RAD54L: variants seen among roughly 807,000 people sequenced by gnomAD.
The protein encoded by RAD54L is RAD54 like, also known as DNA repair and recombination protein RAD54-like.
A neutral mutation model predicts 91.6 loss-of-function variants in RAD54L; 74 were observed. The ratio of observed to expected loss-of-function variants is 0.81; its 90% confidence interval spans 0.67 to 0.98. The LOEUF (loss-of-function observed/expected upper bound fraction) is 0.98, where lower values mean the gene tolerates loss of function less well. RAD54L is among the 50% of genes least tolerant of loss of function. RAD54L has a pLI of 0.00. For missense variants in RAD54L, 887 were observed against 945.7 expected, an observed-to-expected ratio of 0.94 and a Z score of 0.81; for synonymous variants, 304 against 349.7, an observed-to-expected ratio of 0.87 and a Z score of 1.46.
In RAD54L at chr1:46,274,477, T is replaced by G. The variant is rs1660535468; in HGVS notation, c.1690-61T>G. 11 of 1,573,608 alleles carry G rather than the reference T, an allele frequency of 7.0e-6. No individual in the cohort carries two copies. In the Admixed American group the frequency reaches 1.7e-4, roughly 24 times the overall value. On this transcript the variant is annotated intron_variant, in intron 15 of 17. Transcript: ENST00000371975. ...GGCATGAGGGAGGAGCTGGTTGGGC[T>G]GAGCAGGATCCCAGTTTAGGCTATA... is the stretch of plus-strand genomic sequence containing the variant.
chr1:46,277,861 G>A lies in RAD54L; in HGVS notation c.1914G>A (p.Lys638=), dbSNP rs558153503. ...EEKIFQRQSH[K]KALSSCVVDE... ...AGATCTTCCAGCGTCAGAGCCACAA[G>A]AAGGCACTGAGCAGCTGTGTGGTGG... Residue 638 remains lysine, a synonymous_variant, in exon 17 of 18, where the codon AAG becomes AAA. Coordinates refer to ENST00000371975, the MANE Select transcript of RAD54L (RefSeq NM_003579.4). The A allele has an allele frequency of 2.9e-5, 47 of 1,613,010 alleles. No individual in the cohort carries two copies. The highest frequency in any genetic ancestry group is 3.6e-5 in the Non-Finnish European group (42 of 1,179,192).
At chr1:46,252,213 G>A (rs978121312) in intron 3 of RAD54L, among the ~76,000 whole-genome samples, 1 of 152,154 alleles carries the variant, frequency 6.6e-6, no homozygotes, top group Non-Finnish European at 1.5e-5. Flanking sequence ...GGGGAGTTGG[G>A]GGATGGTGGT....
In RAD54L at chr1:46,250,059, T is replaced by C. The variant is rs2148276083; in HGVS notation, c.150T>C (p.Pro50=). The change falls in exon 3 of 18, where the codon CCT becomes CCC. Residue 50 remains proline (P), a synonymous_variant. Transcript: ENST00000371975. ...AGATCCAGGAGTGTTTCCTGTCTCC[T>C]TTTCGGAAACCTTTGAGTCAGCTAA... The part of the protein sequence containing the change: ...ETQIQECFLS[P]FRKPLSQLTN... 1 of 1,614,128 alleles carries C rather than the reference T, an allele frequency of 6.2e-7. No homozygotes were observed. The highest frequency in any genetic ancestry group is 8.5e-7 in the Non-Finnish European group (1 of 1,179,992).
intron 9 of RAD54L, among the ~76,000 whole-genome samples, chr1:46,269,868 C>T (rs1417659762): frequency 6.7e-6 from 1 of 149,434 alleles, no homozygotes; most frequent in African/African-American, 2.5e-5. Flanking sequence ...TTTGGGAGAC[C>T]AAGGCGGGAG....
At position 46,255,531 on chromosome 1, in the gene RAD54L, C is replaced by T. The variant is rs184296581; in HGVS notation, c.211-3155C>T. Among the ~76,000 whole-genome samples, 947 of 131,830 alleles carry T rather than the reference C, an allele frequency of 7.2e-3. 15 individuals carry two copies. The highest frequency in any genetic ancestry group is 0.021 in the South Asian group (87 of 4,156). 86.5% of individuals were successfully genotyped at this position (131,830 alleles called of 152,430 possible). A position where few individuals can be genotyped will look rare whatever the true frequency, so the allele number is the denominator to read the frequency against. ...TTTTTTTTTTTGAGACATAGTCTTG[C>T]TCTGTGACCCAGGCTGGAGTGCAGT... On this transcript the variant is annotated intron_variant, in intron 3 of 17. Coordinates refer to ENST00000371975, the MANE Select transcript of RAD54L (RefSeq NM_003579.4).
Position 46,260,769 on chromosome 1 carries a change from C to T in RAD54L, c.520C>T (p.Pro174Ser). Residue 174 changes from proline (P) to serine (S), a missense_variant, in exon 7 of 18, where the codon CCT (proline) becomes TCT (serine). Pro to Ser is a moderately conservative substitution (Grantham distance 74). Coordinates refer to ENST00000371975, the MANE Select transcript of RAD54L (RefSeq NM_003579.4). The part of the protein sequence containing the change: ...LWECVTSRRI[P>S]GSHGCIMADE... ...GGAGTGTGTCACCAGTCGGCGCATC[C>T]CTGGCAGCCATGGCTGCATCATGGC... 6.2e-7 allele frequency: 1 copy of T among 1,614,212 alleles called. No individual in the cohort carries two copies. The highest frequency in any genetic ancestry group is 1.3e-5 in the African/African-American group (1 of 75,046).
chr1:46,264,855 G>A (rs1055221154), intron 8 of RAD54L, among the ~76,000 whole-genome samples: 3 of 152,208 alleles, frequency 2.0e-5, no homozygotes, highest in African/African-American at 7.2e-5. Context: ...GGTTGTCCCT[G>A]TGCTCCTCAT....
intron 2 of RAD54L, 38 bp downstream of exon 2, chr1:46,248,636 G>A (rs1471321732): frequency 6.3e-7 from 1 of 1,594,074 alleles, no homozygotes; most frequent in Non-Finnish European, 8.6e-7. Flanking sequence ...GGGTAGAGCT[G>A]TTTGGACAGA....
intron 3 of RAD54L, among the ~76,000 whole-genome samples, chr1:46,258,161 A>C (rs1453113373): frequency 6.6e-6 from 1 of 152,156 alleles, no homozygotes. Flanking sequence ...TACAGGTGTG[A>C]GCCACCATGC....
At chr1:46,264,264 A>G (rs1660207601) in intron 8 of RAD54L, among the ~76,000 whole-genome samples, 1 of 152,224 alleles carries the variant, frequency 6.6e-6, no homozygotes, top group Admixed American at 6.5e-5. Flanking sequence ...GATCTGAGGA[A>G]CCAAAAGTCC....
chr1:46,267,357 C>T, intron 8 of RAD54L, 102 bp from the exon 9 acceptor site: 1 of 1,521,394 alleles, frequency 6.6e-7, no homozygotes, highest in East Asian at 2.3e-5. Flanking sequence ...AGCCACGGCG[C>T]CCGGCCTGGA....
chr1:46,270,761 GGGAGCTCACCAGCATTGTGAATAGGT>G lies in RAD54L; in HGVS notation c.1146_1169+2del. ...AGGCAGCTAGGAGAGGAGCGGCTGC[GGGAGCTCACCAGCATTGTGAATAGGT>G]AATGACCTTAAGCGAAGTCATTAGA... On this transcript the variant is annotated splice_donor_variant and coding_sequence_variant, in exon 10 of 18. Transcript: ENST00000371975. LOFTEE classifies it high-confidence loss of function. 6.2e-7 allele frequency: 1 copy of G among 1,614,138 alleles called. No individual in the cohort carries two copies. Among genetic ancestry groups the G allele is most frequent in the East Asian group, 2.2e-5 (1 of 44,884 alleles).
chr1:46,267,809 T>C (rs111469649), intron 9 of RAD54L, 200 bp downstream of exon 9: 2 of 701,648 alleles, frequency 2.9e-6, no homozygotes, highest in Non-Finnish European at 4.8e-6. Flanking sequence ...GCAAAGCCCA[T>C]GTTGGCCATT....
chr1:46,255,885 T>TC (rs1258212885), intron 3 of RAD54L, among the ~76,000 whole-genome samples: 1 of 152,174 alleles, frequency 6.6e-6, no homozygotes, highest in African/African-American at 2.4e-5. Flanking sequence ...AGCCTGTAGT[T>TC]CTCCCTGCAG....
chr1:46,254,583 C>CTTTT (rs768862202), intron 3 of RAD54L, among the ~76,000 whole-genome samples: 3 of 130,188 alleles, frequency 2.3e-5, no homozygotes, highest in Non-Finnish European at 3.3e-5. Context: ...GGAGCACTGA[C>CTTTT]TTTTTTTTTT....
chr1:46,258,207 G>A (rs955615824), intron 3 of RAD54L, among the ~76,000 whole-genome samples: 3 of 151,348 alleles, frequency 2.0e-5, no homozygotes, highest in Non-Finnish European at 2.9e-5. Flanking sequence ...TTATTAATAC[G>A]ATGGCTCCCA....
At chr1:46,277,626 G>A in intron 16 of RAD54L, 191 bp from the exon 17 acceptor site, 1 of 677,120 alleles carries the variant, frequency 1.5e-6, no homozygotes, top group Non-Finnish European at 2.5e-6. Context: ...GACTATTCAT[G>A]TCATGTTCTC....
chr1:46,275,236 C>T (rs1660559414), intron 16 of RAD54L, among the ~76,000 whole-genome samples: 1 of 152,170 alleles, frequency 6.6e-6, no homozygotes, highest in South Asian at 2.1e-4. Context: ...ACGTTGAGGA[C>T]CATGTGGTTA....
chr1:46,269,939 CA>C (rs923287528), intron 9 of RAD54L, among the ~76,000 whole-genome samples: 9 of 151,342 alleles, frequency 5.9e-5, no homozygotes, highest in Non-Finnish European at 1.0e-4. Flanking sequence ...CCCATCTCTA[CA>C]AAAAAAATAC....
Sources: allele counts gnomAD v4.1 joint callset (sites outside exome capture counted in the v4.1 genomes callset), GRCh38; gene constraint gnomAD v4.1.1; transcripts MANE v1.5; gene names NCBI Gene and HGNC (gene_info 2026-07-23, HGNC 2026-07-21).